PTPRM: variants seen among roughly 807,000 people sequenced by gnomAD.
PTPRM encodes the protein receptor-type tyrosine-protein phosphatase mu.
Under a neutral mutation model 186.7 loss-of-function variants are expected in PTPRM, and 47 were observed. That is an observed-to-expected ratio of 0.25 (90% CI 0.20 to 0.32). The LOEUF is 0.32. Ranked by LOEUF, PTPRM falls within the 10% of genes least tolerant of loss-of-function variation. The pLI is 1.00. For synonymous variants in PTPRM, 668 were observed against 674.9 expected (o/e 0.99, Z 0.16); for missense variants, 1,494 against 1,865.0 (o/e 0.80, Z 3.66).
intron 24 of PTPRM, among the ~76,000 whole-genome samples, chr18:8,371,278 T>C (rs2095661167): frequency 6.6e-6 from 1 of 152,242 alleles, no homozygotes; most frequent in Admixed American, 6.5e-5. Context: ...CTGGTTGATA[T>C]TGTTCTGCCC....
At chr18:8,041,247 A>T (rs1265467642) in intron 7 of PTPRM, among the ~76,000 whole-genome samples, 2 of 152,218 alleles carry the variant, frequency 1.3e-5, no homozygotes, top group African/African-American at 4.8e-5. Flanking sequence ...GGTGAAATTC[A>T]TGGCAACCTT....
chr18:7,602,583 T>C (rs958893498), intron 1 of PTPRM, among the ~76,000 whole-genome samples: 4 of 152,046 alleles, frequency 2.6e-5, no homozygotes, highest in Non-Finnish European at 2.9e-5. Flanking sequence ...ACATGCCATC[T>C]TGCCTGGCTA....
chr18:7,903,739 G>C (rs1257339386), intron 3 of PTPRM, among the ~76,000 whole-genome samples: 1 of 152,150 alleles, frequency 6.6e-6, no homozygotes, highest in Admixed American at 6.5e-5. Flanking sequence ...TATTGTAATA[G>C]TGTTGTGGCA....
At chr18:8,141,939 TG>T (rs1377603229) in intron 13 of PTPRM, among the ~76,000 whole-genome samples, 1 of 152,258 alleles carries the variant, frequency 6.6e-6, no homozygotes, top group African/African-American at 2.4e-5. Flanking sequence ...AAAAAAATTT[TG>T]TTTATCCACA....
intron 19 of PTPRM, among the ~76,000 whole-genome samples, chr18:8,272,826 A>G (rs1248456619): frequency 1.3e-5 from 2 of 152,128 alleles, no homozygotes. Flanking sequence ...ATTTTTGTCT[A>G]TTTAATCTAT....
chr18:8,376,784 A>C, intron 26 of PTPRM, 187 bp downstream of exon 26: 1 of 716,252 alleles, frequency 1.4e-6, no homozygotes, highest in South Asian at 2.6e-5. Context: ...AAACAAACCA[A>C]ACAAACCCAG....
chr18:7,947,115 C>T (rs2052584528), intron 5 of PTPRM: 1 of 421,102 alleles, frequency 2.4e-6, no homozygotes, highest in South Asian at 1.7e-5. Flanking sequence ...AGTCATATTC[C>T]TCAGTCTCAG....
intron 7 of PTPRM, among the ~76,000 whole-genome samples, chr18:8,036,575 C>T (rs549865219): frequency 8.2e-4 from 125 of 152,238 alleles, no homozygotes; most frequent in Non-Finnish European, 1.5e-3. Flanking sequence ...CTGCAGCACA[C>T]AATGAATTTT....
intron 15 of PTPRM, among the ~76,000 whole-genome samples, chr18:8,244,601 A>G (rs1335799118): frequency 2.0e-5 from 3 of 152,196 alleles, no homozygotes; most frequent in Middle Eastern, 3.2e-3. Context: ...AATGGCAGTA[A>G]CAAGTTAATT....
At chr18:7,982,284 C>CT (rs60537289) in intron 7 of PTPRM, among the ~76,000 whole-genome samples, 11,190 of 136,160 alleles carry the variant, frequency 0.082, 468 homozygotes, top group Middle Eastern at 0.28. Context: ...TAAGTTTTTA[C>CT]TTTTTTTTTT....
At chr18:8,004,501 A>T (rs1192138138) in intron 7 of PTPRM, among the ~76,000 whole-genome samples, 3 of 151,678 alleles carry the variant, frequency 2.0e-5, no homozygotes, top group Non-Finnish European at 4.4e-5. Flanking sequence ...ACAGGCTTGG[A>T]ACTGAGTTTG....
intron 4 of PTPRM, among the ~76,000 whole-genome samples, chr18:7,918,975 C>T (rs1042530239): frequency 3.9e-5 from 6 of 152,116 alleles, no homozygotes; most frequent in African/African-American, 9.7e-5. Context: ...CTGTAGATGT[C>T]GAAACAGAGG....
Position 7,798,959 on chromosome 18 carries a change from A to G in PTPRM, c.196+24688A>G, listed in dbSNP as rs76923825. 5.9e-3 allele frequency among the ~76,000 whole-genome samples: 892 copies of G among 152,262 alleles called. 15 individuals carry two copies. In the East Asian group the frequency reaches 0.072, roughly 12 times the overall value. ...CGGTAATTACACAGACTTGACAACT[A>G]TGGTTGTATGCTGTGTTTTGATATC... On this transcript the variant is annotated intron_variant, in intron 2 of 32. Coordinates refer to ENST00000580170, the MANE Select transcript of PTPRM (RefSeq NM_001105244.2).
intron 17 of PTPRM, among the ~76,000 whole-genome samples, chr18:8,250,152 C>G (rs928660252): frequency 6.6e-6 from 1 of 152,156 alleles, no homozygotes; most frequent in Non-Finnish European, 1.5e-5. Context: ...CCACCTCTCT[C>G]ATGCTAAGAT....
At chr18:7,622,850 A>T (rs2037972752) in intron 1 of PTPRM, among the ~76,000 whole-genome samples, 2 of 152,112 alleles carry the variant, frequency 1.3e-5, no homozygotes. Context: ...AGCTTTGTGT[A>T]TGTGTCTGTT....
intron 1 of PTPRM, among the ~76,000 whole-genome samples, chr18:7,625,286 T>G (rs144118106): frequency 8.6e-4 from 131 of 152,296 alleles, no homozygotes; most frequent in Non-Finnish European, 1.5e-3. Flanking sequence ...AGTTTCCAGA[T>G]TTCCTGATTT....
chr18:8,049,195 C>T (rs1382681025), intron 7 of PTPRM, among the ~76,000 whole-genome samples: 1 of 152,146 alleles, frequency 6.6e-6, no homozygotes, highest in Non-Finnish European at 1.5e-5. Flanking sequence ...CTGTTTGTTC[C>T]ACTGTATAGA....
chr18:7,688,598 G>C (rs888805724), intron 1 of PTPRM, among the ~76,000 whole-genome samples: 8 of 152,184 alleles, frequency 5.3e-5, no homozygotes, highest in African/African-American at 1.9e-4. Context: ...AGCATGTGAT[G>C]GGGAGAGAAG....
At chr18:7,682,489 C>T (rs146992453) in intron 1 of PTPRM, among the ~76,000 whole-genome samples, 88 of 152,296 alleles carry the variant, frequency 5.8e-4, no homozygotes, top group African/African-American at 2.1e-3. Flanking sequence ...TATTAGGTTA[C>T]ACCTGATTTA....
Sources: gnomAD v4.1 joint callset for allele counts (sites outside exome capture counted in the v4.1 genomes callset) on GRCh38, gnomAD v4.1.1 for gene constraint, MANE v1.5 for transcripts, NCBI Gene and HGNC (gene_info 2026-07-23, HGNC 2026-07-21) for gene names.